The following ATP8A2 variants were observed in gnomAD, a reference collection of about 807,000 sequenced individuals.
ATP8A2 encodes ATPase phospholipid transporting 8A2.
Under a neutral mutation model 165.6 loss-of-function variants are expected in ATP8A2, and 100 were observed. The observed-to-expected ratio is 0.60, with a 90% CI of 0.51 to 0.71. The LOEUF (loss-of-function observed/expected upper bound fraction) is 0.71. Ranked by LOEUF, ATP8A2 falls within the 30% of genes least tolerant of loss-of-function variation. The pLI, the probability that ATP8A2 is intolerant of heterozygous loss-of-function variation, is 0.00. For synonymous variants in ATP8A2, 543 were observed against 548.8 expected, an observed-to-expected ratio of 0.99 and a Z score of 0.15; for missense variants, 1,227 against 1,479.5, an observed-to-expected ratio of 0.83 and a Z score of 2.80.
intron 28 of ATP8A2, 55 bp downstream of exon 28, chr13:25,828,247 A>G: frequency 2.2e-6 from 3 of 1,335,394 alleles, no homozygotes; most frequent in Admixed American, 3.4e-5. Context: ...CTTCAGTGAC[A>G]TTCCTTCACT....
intron 27 of ATP8A2, among the ~76,000 whole-genome samples, chr13:25,791,809 A>G (rs1253061118): frequency 6.6e-6 from 1 of 152,218 alleles, no homozygotes; most frequent in South Asian, 2.1e-4. Context: ...TGATCCGAAG[A>G]TGGAAAATAC....
chr13:25,905,777 C>G (rs540064721), intron 33 of ATP8A2, among the ~76,000 whole-genome samples: 1 of 152,290 alleles, frequency 6.6e-6, no homozygotes, highest in African/African-American at 2.4e-5. Context: ...TGATTTTCCA[C>G]TCTCCTGGGG....
At chr13:25,964,270 C>T (rs942007624) in intron 34 of ATP8A2, among the ~76,000 whole-genome samples, 25 of 152,232 alleles carry the variant, frequency 1.6e-4, no homozygotes, top group African/African-American at 4.6e-4. Context: ...AATATTTGTC[C>T]GAAGCACATA....
In ATP8A2 at chr13:25,392,312, ACAGG is replaced by A. The variant is rs1451323634; in HGVS notation, c.76+20028_76+20031del. On this transcript the variant is annotated intron_variant, in intron 1 of 36. Coordinates refer to ENST00000381655, the MANE Select transcript of ATP8A2 (RefSeq NM_016529.6). The stretch of plus-strand genomic sequence containing the variant: ...GTGATTTTGGGACCCGAGTCATGTG[ACAGG>A]CAGTTGTAACCTAGGAGCTGTAACC... 3.9e-5 allele frequency among the ~76,000 whole-genome samples: 6 copies of A among 152,344 alleles called. 1 individual carries two copies. The highest frequency in any genetic ancestry group is 3.3e-4 in the Admixed American group (5 of 15,304).
At chr13:25,414,090 C>T (rs1008343972) in intron 1 of ATP8A2, among the ~76,000 whole-genome samples, 6 of 151,820 alleles carry the variant, frequency 4.0e-5, no homozygotes, top group African/African-American at 1.2e-4. Context: ...ATTAGGAAAC[C>T]GGGACCCACA....
chr13:25,561,422 G>A (rs950617535), intron 15 of ATP8A2, among the ~76,000 whole-genome samples: 7 of 150,966 alleles, frequency 4.6e-5, no homozygotes, highest in African/African-American at 1.2e-4. Flanking sequence ...TCTATCCTTC[G>A]TCATGAGTTT....
At chr13:25,857,604 C>T (rs1330653413) in intron 30 of ATP8A2, among the ~76,000 whole-genome samples, 2 of 127,398 alleles carry the variant, frequency 1.6e-5, no homozygotes, top group East Asian at 2.5e-4. Context: ...GGCAGAGTCT[C>T]ACTCTGTTGC....
rs182839902 is a variant in ATP8A2, at chr13:25,633,334, C to T, written c.2211+43635C>T. 2.9e-3 allele frequency among the ~76,000 whole-genome samples: 440 copies of T among 152,184 alleles called. 2 individuals carry two copies. The highest frequency in any genetic ancestry group is 4.4e-3 in the Non-Finnish European group (298 of 68,008). On this transcript the variant is annotated intron_variant, in intron 24 of 36. Transcript: ENST00000381655. ...TCGGCAGTCTGCTTTTAAGGTGAGTCATTGTATAGTATGATTTCTCAGACT... is the reference window on the plus strand; with the variant it reads ...TCGGCAGTCTGCTTTTAAGGTGAGTTATTGTATAGTATGATTTCTCAGACT...
At chr13:25,433,572 C>G (rs1165686752) in intron 1 of ATP8A2, among the ~76,000 whole-genome samples, 1 of 152,120 alleles carries the variant, frequency 6.6e-6, no homozygotes, top group Non-Finnish European at 1.5e-5. Flanking sequence ...TGGATCCTGA[C>G]CTCAGGTCTG....
Position 26,005,226 on chromosome 13 carries a change from TTG to T in ATP8A2, c.3378-7303_3378-7302del, listed in dbSNP as rs1956715107. On this transcript the variant is annotated intron_variant, in intron 35 of 36. Transcript: ENST00000381655. ...TAACATTTCTTCTAGATTATCCAAT[TTG>T]TTGCCATATGATTGTTTGTAGTAAT... Among the ~76,000 whole-genome samples, 9 of 152,168 alleles carry T rather than the reference TTG, an allele frequency of 5.9e-5. No individual in the cohort carries two copies. The South Asian group carries it at 1.9e-3, about 32-fold the overall frequency.
chr13:25,810,348 C>T (rs1950837212), intron 27 of ATP8A2, among the ~76,000 whole-genome samples: 1 of 152,186 alleles, frequency 6.6e-6, no homozygotes, highest in South Asian at 2.1e-4. Context: ...TCTCAAGGCT[C>T]AGCTGAAGTG....
chr13:25,723,476 T>A (rs1046851469), intron 25 of ATP8A2, among the ~76,000 whole-genome samples: 3 of 152,210 alleles, frequency 2.0e-5, no homozygotes, highest in Non-Finnish European at 4.4e-5. Flanking sequence ...TTGGCTACAG[T>A]GAGTTTCTTG....
rs1163479723 is a variant in ATP8A2, at chr13:25,837,214, A to G, written c.2806A>G (p.Thr936Ala). The stretch of plus-strand genomic sequence containing the variant: ...TCTGGGAATCTTTGAGAGGTCTTGC[A>G]CTCAGGAGAGCATGCTCAGGTTTCC... ...FTLGIFERSCTQESMLRFPQL... is the reference protein window; with the variant it reads ...FTLGIFERSCAQESMLRFPQL... The change falls in exon 29 of 37, where the codon ACT becomes GCT. Residue 936 changes from threonine to alanine, a missense_variant. This residue lies in a region of ATP8A2 where 592 missense variants were observed against 785.6 expected (regional missense o/e 0.75). Coordinates refer to ENST00000381655, the MANE Select transcript of ATP8A2 (RefSeq NM_016529.6). The G allele has an allele frequency of 3.1e-6, 5 of 1,613,876 alleles. No individual in the cohort carries two copies. Among genetic ancestry groups the G allele is most frequent in the Non-Finnish European group, 3.4e-6 (4 of 1,179,972 alleles).
chr13:25,583,301 A>G (rs909278964), intron 23 of ATP8A2, among the ~76,000 whole-genome samples: 1 of 152,188 alleles, frequency 6.6e-6, no homozygotes, highest in Non-Finnish European at 1.5e-5. Context: ...TGTTGTTTGC[A>G]TGCTAAGTTG....
chr13:25,833,905 T>A (rs987728289), intron 28 of ATP8A2, among the ~76,000 whole-genome samples: 2 of 152,178 alleles, frequency 1.3e-5, no homozygotes, highest in Non-Finnish European at 2.9e-5. Flanking sequence ...TTTCATAATA[T>A]AAAGACAGGG....
intron 33 of ATP8A2, among the ~76,000 whole-genome samples, chr13:25,919,819 G>A (rs1394090755): frequency 6.6e-6 from 1 of 152,104 alleles, no homozygotes; most frequent in African/African-American, 2.4e-5. Flanking sequence ...AGGCTGGAGT[G>A]CGGTGGTGCT....
intron 36 of ATP8A2, among the ~76,000 whole-genome samples, chr13:26,018,103 G>T (rs1056367110): frequency 2.0e-5 from 3 of 152,130 alleles, no homozygotes; most frequent in African/African-American, 7.2e-5. Flanking sequence ...CCTCCCTGCT[G>T]CTCAGCCCAT....
chr13:25,466,621 G>A (rs2137507930), intron 1 of ATP8A2, among the ~76,000 whole-genome samples: 3 of 152,292 alleles, frequency 2.0e-5, no homozygotes, highest in Middle Eastern at 3.4e-3. Context: ...TCCTGACTGG[G>A]TGCTCATCAG....
intron 33 of ATP8A2, among the ~76,000 whole-genome samples, chr13:25,946,999 C>T (rs552237252): frequency 6.6e-6 from 1 of 152,190 alleles, no homozygotes; most frequent in Non-Finnish European, 1.5e-5. Context: ...CCACCCACCT[C>T]GGCCTCCTAG....
Sources: allele counts gnomAD v4.1 joint callset (sites outside exome capture counted in the v4.1 genomes callset), GRCh38; gene constraint gnomAD v4.1.1; regional missense constraint gnomAD v4.1.1; transcripts MANE v1.5; gene names NCBI Gene and HGNC (gene_info 2026-07-23, HGNC 2026-07-21).